The following RAPGEF2 variants were observed in gnomAD, a reference collection of about 807,000 sequenced individuals.
The protein encoded by RAPGEF2 is Rap guanine nucleotide exchange factor 2, also known as PDZ domain containing guanine nucleotide exchange factor (GEF) 1.
A neutral mutation model predicts 186.7 loss-of-function variants in RAPGEF2; 54 were observed. The ratio of observed to expected loss-of-function variants is 0.29; its 90% CI spans 0.23 to 0.36. RAPGEF2 has a LOEUF of 0.36. RAPGEF2 is among the 10% of genes least tolerant of loss of function. RAPGEF2 has a pLI of 1.00. For missense variants in RAPGEF2, 1,532 were observed against 2,045.0 expected (o/e 0.75, Z 4.84); for synonymous variants, 712 against 705.9 (o/e 1.01, Z -0.14).
intron 4 of RAPGEF2, among the ~76,000 whole-genome samples, chr4:159,219,416 T>C (rs1331741899): frequency 2.2e-5 from 3 of 138,354 alleles, no homozygotes; most frequent in African/African-American, 5.6e-5. Context: ...AGTGCAGTGG[T>C]GCGATCTGGG....
At chr4:159,320,552 A>G (rs1180906107) in intron 9 of RAPGEF2, among the ~76,000 whole-genome samples, 1 of 152,110 alleles carries the variant, frequency 6.6e-6, no homozygotes, top group Non-Finnish European at 1.5e-5. Flanking sequence ...TATTGGACAG[A>G]ATCTTTGGGT....
Position 159,332,606 on chromosome 4 carries a change from A to G in RAPGEF2, c.2044A>G (p.Lys682Glu). ...QVIGLEKVNK[K>E]SKANTVGGRN... ...GATAGGACTTGAAAAAGTGAACAAAAAAAGTAAAGCCAACACTGTGGGAGG... is the reference window on the plus strand; with the variant it reads ...GATAGGACTTGAAAAAGTGAACAAAGAAAGTAAAGCCAACACTGTGGGAGG... The change falls in exon 17 of 30, where the codon AAA becomes GAA. Residue 682 changes from lysine (K) to glutamate (E), a missense_variant. Physicochemically the swap from Lys to Glu is moderately conservative, Grantham distance 56 (BLOSUM62 1). Coordinates refer to ENST00000691494, the MANE Select transcript of RAPGEF2 (RefSeq NM_001394067.2). 1.9e-6 allele frequency: 3 copies of G among 1,614,192 alleles called. No homozygotes were observed. Among genetic ancestry groups the G allele is most frequent in the Non-Finnish European group, 2.5e-6 (3 of 1,180,026 alleles).
At chr4:159,222,785 A>G (rs1205474374) in intron 4 of RAPGEF2, among the ~76,000 whole-genome samples, 1 of 152,178 alleles carries the variant, frequency 6.6e-6, no homozygotes, top group Non-Finnish European at 1.5e-5. Flanking sequence ...AGAAAATAAC[A>G]AGAGTAAGAA....
intron 4 of RAPGEF2, among the ~76,000 whole-genome samples, chr4:159,235,467 C>T (rs986458551): frequency 5.3e-5 from 8 of 152,312 alleles, no homozygotes; most frequent in Non-Finnish European, 1.2e-4. Context: ...GGCTTGCCTG[C>T]ACTCACACTC....
chr4:159,173,255 ACTT>A (rs571479433), intron 1 of RAPGEF2, among the ~76,000 whole-genome samples: 1 of 152,202 alleles, frequency 6.6e-6, no homozygotes, highest in Non-Finnish European at 1.5e-5. Context: ...TTCAAAGAGT[ACTT>A]CTTTTTTGCT....
chr4:159,197,987 T>C (rs1748842227), intron 3 of RAPGEF2, among the ~76,000 whole-genome samples: 2 of 152,220 alleles, frequency 1.3e-5, no homozygotes, highest in Admixed American at 1.3e-4. Flanking sequence ...TCTGAGACCG[T>C]AAGCCTGACC....
At chr4:159,321,146 C>G (rs1490003999) in intron 9 of RAPGEF2, among the ~76,000 whole-genome samples, 1 of 151,788 alleles carries the variant, frequency 6.6e-6, no homozygotes, top group Non-Finnish European at 1.5e-5. Flanking sequence ...CTTTACCACT[C>G]CCTTTAAAGT....
chr4:159,241,292 G>A lies in RAPGEF2; in HGVS notation c.449G>A (p.Gly150Asp). The change falls in exon 6 of 30, where the codon GGT becomes GAT. Residue 150 changes from glycine (G) to aspartate (D), a missense_variant. Gly to Asp is a moderately conservative substitution (Grantham distance 94). This residue lies in a region of RAPGEF2 where 810 missense variants were observed against 1,210.5 expected (regional missense o/e 0.67). Transcript: ENST00000691494. ...RRRFRKINQKGERQTIIDTVD... is the reference protein window; with the variant it reads ...RRRFRKINQKDERQTIIDTVD... The stretch of plus-strand genomic sequence containing the variant: ...AGATTTAGAAAAATCAACCAGAAAG[G>A]TGAAAGACAAACAATTATTGACACT... 1 of 1,533,484 alleles carries A rather than the reference G, an allele frequency of 6.5e-7. No homozygotes were observed. The highest frequency in any genetic ancestry group is 8.7e-7 in the Non-Finnish European group (1 of 1,145,324). 95.0% of individuals were successfully genotyped at this position (1,533,484 alleles called of 1,614,324 possible). A position where few individuals can be genotyped will look rare whatever the true frequency, so the allele number is the denominator to read the frequency against.
chr4:159,179,442 G>GT (rs745537469), intron 1 of RAPGEF2, among the ~76,000 whole-genome samples: 4 of 152,182 alleles, frequency 2.6e-5, no homozygotes, highest in Non-Finnish European at 2.9e-5. Context: ...ATCTAAAAGT[G>GT]TAACTCCCTG....
At chr4:159,139,444 A>G (rs143083514) in intron 1 of RAPGEF2, among the ~76,000 whole-genome samples, 32 of 152,330 alleles carry the variant, frequency 2.1e-4, no homozygotes, top group African/African-American at 6.7e-4. Context: ...AGGACATCCT[A>G]TATAATGTAA....
chr4:159,288,028 C>T (rs1205249087), intron 7 of RAPGEF2, among the ~76,000 whole-genome samples: 2 of 152,136 alleles, frequency 1.3e-5, no homozygotes, highest in Non-Finnish European at 2.9e-5. Context: ...CAGTACAGAC[C>T]TTGTTATGTC....
intron 4 of RAPGEF2, among the ~76,000 whole-genome samples, chr4:159,221,372 G>A (rs1751526196): frequency 1.3e-5 from 2 of 152,198 alleles, no homozygotes; most frequent in Non-Finnish European, 2.9e-5. Flanking sequence ...AAAGCTAGAA[G>A]CAGGAGGAAA....
intron 1 of RAPGEF2, among the ~76,000 whole-genome samples, chr4:159,107,824 T>C (rs1441264785): frequency 6.6e-6 from 1 of 152,238 alleles, no homozygotes; most frequent in Non-Finnish European, 1.5e-5. Context: ...CTTTCAAATC[T>C]AATGGAAGAA....
At chr4:159,304,606 A>G in intron 8 of RAPGEF2, 133 bp downstream of exon 8, 2 of 804,286 alleles carry the variant, frequency 2.5e-6, no homozygotes, top group Non-Finnish European at 3.6e-6. Context: ...TAAAATATTA[A>G]TGTTTATTTC....
chr4:159,358,381 A>G lies in RAPGEF2; in HGVS notation c.*242A>G. 1 of 441,212 alleles carries G rather than the reference A, an allele frequency of 2.3e-6. No homozygotes were observed. Among genetic ancestry groups the G allele is most frequent in the Non-Finnish European group, 4.0e-6 (1 of 251,036 alleles). The allele number at this position is 441,212 out of a possible 1,614,324, so 27.3% of individuals were successfully genotyped here. ...TGTTGCTTGAAATGCACAGTGCAGC[A>G]ATCTTCGAGCTCCCACTGTTGCTGC... On this transcript the variant is annotated 3_prime_UTR_variant, in exon 30 of 30. Transcript: ENST00000691494.
rs982618915 is a variant in RAPGEF2, at chr4:159,104,122, G to T, written c.-41G>T. The T allele has an allele frequency of 3.6e-6, 5 of 1,400,130 alleles. No homozygotes were observed. Among genetic ancestry groups the T allele is most frequent in the Non-Finnish European group, 4.7e-6 (5 of 1,055,934 alleles). 86.7% of individuals were successfully genotyped at this position (1,400,130 alleles called of 1,614,324 possible). On this transcript the variant is annotated 5_prime_UTR_variant, in exon 1 of 30. Transcript: ENST00000691494. ...GCGGCGCTGGGCCGGGAGGAGGCCG[G>T]CCAGGGTGCGGAGCGGCCCCGGCCC...
chr4:159,231,695 C>T (rs1206136010), intron 4 of RAPGEF2, among the ~76,000 whole-genome samples: 1 of 152,080 alleles, frequency 6.6e-6, no homozygotes, highest in African/African-American at 2.4e-5. Flanking sequence ...TGAGCACTGA[C>T]ATGGTGCTCA....
At chr4:159,169,127 AC>A (rs952320455) in intron 1 of RAPGEF2, among the ~76,000 whole-genome samples, 13 of 152,334 alleles carry the variant, frequency 8.5e-5, no homozygotes, top group South Asian at 6.2e-4. Flanking sequence ...CTTTGAATTG[AC>A]CAGTGAACTG....
At chr4:159,348,136 G>A (rs879054581) in intron 25 of RAPGEF2, among the ~76,000 whole-genome samples, 21 of 151,920 alleles carry the variant, frequency 1.4e-4, no homozygotes, top group African/African-American at 4.8e-5. Context: ...CACAAGAATC[G>A]CTTCAACCTG....
Sources: gnomAD v4.1 joint callset for allele counts (sites outside exome capture counted in the v4.1 genomes callset) on GRCh38, gnomAD v4.1.1 for gene constraint, gnomAD v4.1.1 regional missense constraint, MANE v1.5 for transcripts, NCBI Gene and HGNC (gene_info 2026-07-23, HGNC 2026-07-21) for gene names.